The following CACNB2 variants were observed in gnomAD, a reference collection of about 807,000 sequenced individuals.
The protein encoded by CACNB2 is voltage-dependent L-type calcium channel subunit beta-2.
Under a neutral mutation model 73.3 loss-of-function variants are expected in CACNB2, and 42 were observed. The ratio of observed to expected loss-of-function variants is 0.57; its 90% CI spans 0.45 to 0.74. The LOEUF is 0.74. CACNB2 is among the 30% of genes least tolerant of loss of function. CACNB2 has a pLI of 0.00. For synonymous variants in CACNB2, 348 were observed against 310.3 expected (o/e 1.12, Z -1.28); for missense variants, 940 against 853.0 (o/e 1.10, Z -1.27).
intron 10 of CACNB2, among the ~76,000 whole-genome samples, chr10:18,528,253 A>G (rs1414917409): frequency 6.6e-6 from 1 of 152,192 alleles, no homozygotes; most frequent in African/African-American, 2.4e-5. Context: ...ATAGATATCA[A>G]TATGTTTGTT....
intron 2 of CACNB2, among the ~76,000 whole-genome samples, chr10:18,374,762 T>C (rs1269152387): frequency 6.6e-6 from 1 of 152,180 alleles, no homozygotes; most frequent in Non-Finnish European, 1.5e-5. Flanking sequence ...CCACTTTCCT[T>C]ATGCACACCC....
chr10:18,250,691 G>A (rs1588845770), intron 2 of CACNB2, among the ~76,000 whole-genome samples: 1 of 152,172 alleles, frequency 6.6e-6, no homozygotes, highest in African/African-American at 2.4e-5. Context: ...GTAGAATCAA[G>A]ACCATCGCAA....
intron 2 of CACNB2, among the ~76,000 whole-genome samples, chr10:18,232,200 A>C (rs2036250326): frequency 2.0e-5 from 3 of 152,196 alleles, no homozygotes; most frequent in Admixed American, 2.0e-4. Flanking sequence ...AAGATATAAT[A>C]ATATTTCTAA....
chr10:18,184,847 C>G lies in CACNB2; in HGVS notation c.213+33872C>G, dbSNP rs1255073578. Among the ~76,000 whole-genome samples the G allele has an allele frequency of 2.6e-5, 4 of 151,992 alleles. No individual in the cohort carries two copies. In the South Asian group the frequency reaches 6.2e-4, roughly 24 times the overall value. ...TCACCTCGGTATTAAGCCCAGCATG[C>G]ATTAGCTGTTTTTCCTGATGCTCTC... On this transcript the variant is annotated intron_variant, in intron 2 of 13. Coordinates refer to ENST00000324631, the MANE Select transcript of CACNB2 (RefSeq NM_201596.3).
At chr10:18,390,088 C>A (rs1180166907) in intron 2 of CACNB2, among the ~76,000 whole-genome samples, 2 of 152,190 alleles carry the variant, frequency 1.3e-5, no homozygotes, top group Non-Finnish European at 2.9e-5. Flanking sequence ...TTCATTCATG[C>A]CTGTAGATTA....
At chr10:18,196,402 C>T (rs1160377679) in intron 2 of CACNB2, among the ~76,000 whole-genome samples, 1 of 151,644 alleles carries the variant, frequency 6.6e-6, no homozygotes, top group Non-Finnish European at 1.5e-5. Flanking sequence ...TTGCAGCCTC[C>T]ACCTCCTGGA....
chr10:18,493,951 A>C (rs8181477), intron 3 of CACNB2, among the ~76,000 whole-genome samples: 66,390 of 151,980 alleles, frequency 0.44, 14,806 homozygotes, highest in East Asian at 0.7. Flanking sequence ...TGAAGTAAAG[A>C]TATTGAGGAA....
intron 2 of CACNB2, among the ~76,000 whole-genome samples, chr10:18,329,589 A>G (rs940183409): frequency 3.9e-5 from 6 of 151,986 alleles, no homozygotes; most frequent in African/African-American, 1.4e-4. Context: ...GGAGTAGCCA[A>G]TTATTTTTGC....
chr10:18,444,008 C>A (rs560476080), intron 3 of CACNB2, among the ~76,000 whole-genome samples: 1 of 152,334 alleles, frequency 6.6e-6, no homozygotes, highest in Non-Finnish European at 1.5e-5. Flanking sequence ...AGCCACCACA[C>A]CCAGCCACGC....
chr10:18,140,752 A>T lies in CACNB2; in HGVS notation c.16A>T (p.Met6Leu). The T allele has an allele frequency of 1.3e-6, 2 of 1,595,136 alleles. No homozygotes were observed. The highest frequency in any genetic ancestry group is 1.1e-5 in the South Asian group (1 of 87,860). The change falls in exon 1 of 14, where the codon ATG becomes TTG. Residue 6 changes from methionine (M) to leucine (L), a missense_variant. Transcript: ENST00000324631. ...CTTTTCGCCAATGGTCCAAAGGGAC[A>T]TGTCCAAGTCGCCTCCCACAGCGGC... MVQRDMSKSPPTAAAA... is the reference protein window; with the variant it reads MVQRDLSKSPPTAAAA...
chr10:18,145,227 C>A (rs2030843539), intron 1 of CACNB2, among the ~76,000 whole-genome samples: 2 of 152,134 alleles, frequency 1.3e-5, no homozygotes, highest in Non-Finnish European at 2.9e-5. Context: ...GAGCTTTATC[C>A]AAAAAGAGTA....
At chr10:18,243,432 G>C (rs1023235782) in intron 2 of CACNB2, among the ~76,000 whole-genome samples, 1 of 152,154 alleles carries the variant, frequency 6.6e-6, no homozygotes, top group East Asian at 1.9e-4. Flanking sequence ...GGAGAATGGT[G>C]AAAGAGACTC....
intron 3 of CACNB2, among the ~76,000 whole-genome samples, chr10:18,484,397 G>A (rs1487957332): frequency 6.1e-4 from 89 of 146,600 alleles, no homozygotes; most frequent in Non-Finnish European, 6.9e-4. Flanking sequence ...CTGTCTCAAA[G>A]AAAAAAAAAA....
At chr10:18,385,364 A>ACCCCCCCCCCCCCCCC (rs754737184) in intron 2 of CACNB2, among the ~76,000 whole-genome samples, 5 of 83,136 alleles carry the variant, frequency 6.0e-5, no homozygotes, top group African/African-American at 9.0e-5. Context: ...GATTTGTAAT[A>ACCCCCCCCCCCCCCCC]CCCCCCCCCC....
rs111379094 is a variant in CACNB2 at position 18,378,872 on chromosome 10, C to G, written c.214-23052C>G. On this transcript the variant is annotated intron_variant, in intron 2 of 13. Transcript: ENST00000324631. ...TCAATTTTAAAACCAAAAATTACCT[C>G]CCTTCCTCTTTCTGCTCCCAACTCC... 3.2e-3 allele frequency among the ~76,000 whole-genome samples: 493 copies of G among 152,292 alleles called. 4 individuals are homozygous for G. Among genetic ancestry groups the G allele is most frequent in the African/African-American group, 0.012 (480 of 41,570 alleles).
chr10:18,179,974 A>G (rs187401857), intron 2 of CACNB2, among the ~76,000 whole-genome samples: 57 of 152,226 alleles, frequency 3.7e-4, no homozygotes, highest in Admixed American at 6.5e-4. Flanking sequence ...TGAAGATTCC[A>G]TTCCTGTGCT....
intron 2 of CACNB2, among the ~76,000 whole-genome samples, chr10:18,358,764 G>C (rs2042033823): frequency 6.6e-6 from 1 of 152,128 alleles, no homozygotes; most frequent in Non-Finnish European, 1.5e-5. Flanking sequence ...AAAGAAGTGT[G>C]AATTGCCCTT....
intron 3 of CACNB2, among the ~76,000 whole-genome samples, chr10:18,404,277 T>C (rs1183171833): frequency 1.3e-5 from 2 of 152,166 alleles, no homozygotes; most frequent in East Asian, 3.8e-4. Flanking sequence ...TCCTTTATAT[T>C]AAAATCATGG....
At chr10:18,287,320 CTCTT>C (rs1320472865) in intron 2 of CACNB2, among the ~76,000 whole-genome samples, 1 of 151,974 alleles carries the variant, frequency 6.6e-6, no homozygotes, top group Admixed American at 6.6e-5. Context: ...CACAGCGAGA[CTCTT>C]TCTCAAAAAA....
Sources: gnomAD v4.1 joint callset for allele counts (sites outside exome capture counted in the v4.1 genomes callset) on GRCh38, gnomAD v4.1.1 for gene constraint, MANE v1.5 for transcripts, NCBI Gene and HGNC (gene_info 2026-07-23, HGNC 2026-07-21) for gene names.